Variants in GFPT1 observed in about 807,000 individuals in gnomAD.
GFPT1 encodes glutamine--fructose-6-phosphate transaminase 1, also known as glutamine--fructose-6-phosphate aminotransferase [isomerizing] 1.
A neutral mutation model predicts 92.0 loss-of-function variants in GFPT1; 40 were observed. The ratio of observed to expected loss-of-function variants is 0.43; its 90% CI spans 0.34 to 0.57. The LOEUF (loss-of-function observed/expected upper bound fraction) is 0.57, where lower values mean the gene tolerates loss of function less well. GFPT1 is among the 20% of genes least tolerant of loss of function. The pLI, the probability that GFPT1 is intolerant of heterozygous loss-of-function variation, is 0.02. For synonymous variants in GFPT1, 269 were observed against 280.6 expected (o/e 0.96, Z 0.41); for missense variants, 448 against 869.1 (o/e 0.52, Z 6.09).
At chr2:69,354,377 T>C (rs1671283289) in intron 8 of GFPT1, 65 bp from the exon 9 acceptor site, 10 of 1,406,934 alleles carry the variant, frequency 7.1e-6, no homozygotes, top group Admixed American at 1.7e-5. Context: ...ATCTTTTTCA[T>C]GTCTAGACAG....
intron 15 of GFPT1, among the ~76,000 whole-genome samples, chr2:69,335,183 T>A (rs1670765392): frequency 6.6e-6 from 1 of 152,010 alleles, no homozygotes; most frequent in Admixed American, 6.6e-5. Context: ...ATTTTTGTAT[T>A]TTTTATAGAG....
In GFPT1 at chr2:69,381,674, C is replaced by T. The variant is rs79613856; in HGVS notation, c.7+5391G>A. Among the ~76,000 whole-genome samples the T allele has an allele frequency of 2.0e-4, 30 of 151,354 alleles. No individual in the cohort carries two copies. In the East Asian group the frequency reaches 4.7e-3, roughly 24 times the overall value. On this transcript the variant is annotated intron_variant, in intron 1 of 19. Coordinates refer to ENST00000357308, the MANE Select transcript of GFPT1 (RefSeq NM_001244710.2). The stretch of plus-strand genomic sequence containing the variant: ...CTGGACTCAATCCTCCCACCTCAGT[C>T]TTCTAAGTAGACTGGACTACAGGTA...
intron 4 of GFPT1, among the ~76,000 whole-genome samples, chr2:69,361,874 G>A (rs940157060): frequency 1.3e-5 from 2 of 152,114 alleles, no homozygotes; most frequent in African/African-American, 4.8e-5. Context: ...TAGCTACTCA[G>A]GAGGCTGAGG....
At chr2:69,352,561 C>T (rs534336386) in intron 9 of GFPT1, among the ~76,000 whole-genome samples, 41 of 121,838 alleles carry the variant, frequency 3.4e-4, no homozygotes, top group Admixed American at 5.5e-4. Flanking sequence ...TGCAGTGAGC[C>T]GAGATCACGC....
At position 69,358,370 on chromosome 2, in the gene GFPT1, T is replaced by C; in HGVS notation, c.502A>G (p.Thr168Ala). 1 of 1,611,910 alleles carries C rather than the reference T, an allele frequency of 6.2e-7. No homozygotes were observed. The highest frequency in any genetic ancestry group is 8.5e-7 in the Non-Finnish European group (1 of 1,178,042). The change falls in exon 6 of 20, where the codon ACC becomes GCC. Residue 168 changes from threonine to alanine, a missense_variant. By Grantham distance (58) the Thr-to-Ala change is moderately conservative. Transcript: ENST00000357308. ...YMYDNRESQD[T>A]SFTTLVERVI... Reference sequence around the variant, plus strand: ...CTCTCCACCAAGGTAGTAAAGCTGGTATCTTGACTTTCCCGATTGTCATAC... The same window carrying C: ...CTCTCCACCAAGGTAGTAAAGCTGGCATCTTGACTTTCCCGATTGTCATAC...
intron 12 of GFPT1, among the ~76,000 whole-genome samples, chr2:69,345,172 C>A (rs1020675677): frequency 3.3e-5 from 5 of 152,136 alleles, no homozygotes; most frequent in African/African-American, 9.7e-5. Flanking sequence ...AGGAGAATCA[C>A]TTGAACCCGG....
intron 1 of GFPT1, among the ~76,000 whole-genome samples, chr2:69,386,080 T>A (rs1208678518): frequency 6.6e-6 from 1 of 150,976 alleles, no homozygotes; most frequent in Non-Finnish European, 1.5e-5. Context: ...CGGTTGTAAA[T>A]TTCAATAAGA....
chr2:69,331,661 T>C (rs1235883240), intron 15 of GFPT1, among the ~76,000 whole-genome samples: 1 of 152,194 alleles, frequency 6.6e-6, no homozygotes, highest in Non-Finnish European at 1.5e-5. Context: ...ACTGATCTAA[T>C]TGTATTAGTA....
intron 3 of GFPT1, among the ~76,000 whole-genome samples, chr2:69,364,338 A>G (rs2104667411): frequency 6.6e-6 from 1 of 152,348 alleles, no homozygotes; most frequent in East Asian, 1.9e-4. Flanking sequence ...TTAATAACAG[A>G]TAAAGTTAGG....
At position 69,343,588 on chromosome 2, in the gene GFPT1, A is replaced by G. The variant is rs144018616; in HGVS notation, c.1106-1339T>C. Reference sequence around the variant, plus strand: ...CACCACGCCCAGCTAATTTTTTTCTATTTTTAGTAGAGAGGGTTTCACCAT... The same window carrying G: ...CACCACGCCCAGCTAATTTTTTTCTGTTTTTAGTAGAGAGGGTTTCACCAT... On this transcript the variant is annotated intron_variant, in intron 12 of 19. Coordinates refer to ENST00000357308, the MANE Select transcript of GFPT1 (RefSeq NM_001244710.2). Among the ~76,000 whole-genome samples, 67 of 150,166 alleles carry G rather than the reference A, an allele frequency of 4.5e-4. 1 individual carries two copies. The East Asian group carries it at 0.011, about 24-fold the overall frequency.
chr2:69,329,138 TTC>T (rs2104599665), intron 17 of GFPT1, among the ~76,000 whole-genome samples, 157 bp downstream of exon 17: 1 of 152,326 alleles, frequency 6.6e-6, no homozygotes, highest in South Asian at 2.1e-4. Context: ...CTGAACAGAG[TTC>T]TCTGTTGCAC....
chr2:69,327,545 C>G (rs1670560689), intron 18 of GFPT1, among the ~76,000 whole-genome samples: 1 of 151,980 alleles, frequency 6.6e-6, no homozygotes, highest in Non-Finnish European at 1.5e-5. Flanking sequence ...CTATGCTACC[C>G]AGGCTGTATT....
At chr2:69,339,076 G>T (rs564629512) in intron 13 of GFPT1, among the ~76,000 whole-genome samples, 3 of 152,240 alleles carry the variant, frequency 2.0e-5, no homozygotes, top group African/African-American at 7.2e-5. Context: ...GAGCCACTGC[G>T]CCTGGACACA....
At chr2:69,378,586 C>G (rs1007690994) in intron 1 of GFPT1, among the ~76,000 whole-genome samples, 1 of 152,172 alleles carries the variant, frequency 6.6e-6, no homozygotes, top group South Asian at 2.1e-4. Flanking sequence ...ATTATGAGCA[C>G]CTTGCTAACA....
chr2:69,338,889 T>C lies in GFPT1; in HGVS notation c.1204-324A>G, dbSNP rs542342671. Among the ~76,000 whole-genome samples the C allele has an allele frequency of 2.1e-5, 3 of 144,602 alleles. No individual in the cohort carries two copies. The South Asian group carries it at 6.5e-4, about 32-fold the overall frequency. The allele number at this position is 144,602 out of a possible 152,430, so 94.9% of individuals were successfully genotyped here. A position where few individuals can be genotyped will look rare whatever the true frequency, so the allele number is the denominator to read the frequency against. ...ATCTCGGCTCACCGTAACCTCCGCC[T>C]CCCGGGTTCAAGCAATTCTCCTGCC... is the stretch of plus-strand genomic sequence containing the variant. On this transcript the variant is annotated intron_variant, in intron 13 of 19. Coordinates refer to ENST00000357308, the MANE Select transcript of GFPT1 (RefSeq NM_001244710.2).
intron 11 of GFPT1, among the ~76,000 whole-genome samples, chr2:69,346,968 G>A (rs981808667): frequency 3.3e-5 from 5 of 151,668 alleles, no homozygotes; most frequent in African/African-American, 4.8e-5. Context: ...GGAGTGCAGC[G>A]GCACGATCTC....
intron 15 of GFPT1, among the ~76,000 whole-genome samples, chr2:69,335,630 C>T (rs1670775904): frequency 6.6e-6 from 1 of 152,114 alleles, no homozygotes; most frequent in African/African-American, 2.4e-5. Flanking sequence ...AGGATGGAAA[C>T]CCAAGCACAA....
chr2:69,363,619 G>A lies in GFPT1; in HGVS notation c.275C>T (p.Ala92Val). ...DIEFDVHLGI[A>V]HTRWATHGEP... ...TCCATGTGTTGCCCAACGGGTATGA[G>A]CTATTCCAAGGTGTACATCAAATTC... Residue 92 changes from alanine to valine, a missense_variant, in exon 4 of 20, where the codon GCT becomes GTT. Ala to Val is a moderately conservative substitution (Grantham distance 64, BLOSUM62 0). Transcript: ENST00000357308. 1 of 1,609,368 alleles carries A rather than the reference G, an allele frequency of 6.2e-7. No individual in the cohort carries two copies. Among genetic ancestry groups the A allele is most frequent in the Non-Finnish European group, 8.5e-7 (1 of 1,175,696 alleles).
chr2:69,356,459 G>C (rs772974890), intron 7 of GFPT1, 37 bp downstream of exon 7: 6 of 1,400,794 alleles, frequency 4.3e-6, no homozygotes, highest in Non-Finnish European at 6.1e-6. Context: ...ACTCAAATAT[G>C]TTGAAATACA....
Sources: allele counts gnomAD v4.1 joint callset (sites outside exome capture counted in the v4.1 genomes callset), GRCh38; gene constraint gnomAD v4.1.1; transcripts MANE v1.5; gene names NCBI Gene and HGNC (gene_info 2026-07-23, HGNC 2026-07-21).